The following LHFPL7 variants were observed in gnomAD, a reference collection of about 807,000 sequenced individuals.
The protein encoded by LHFPL7 is LHFPL tetraspan subfamily member 7 protein.
At chr22:24,941,945 G>A in the LHFPL7 span, among the ~76,000 whole-genome samples, 10 of 151,746 alleles carry the variant, frequency 6.6e-5, no homozygotes, top group African/African-American at 2.2e-4. Context: ...GATTACACGC[G>A]TGAGCCACTG....
the LHFPL7 span, among the ~76,000 whole-genome samples, chr22:24,943,368 C>G: frequency 3.3e-5 from 5 of 152,160 alleles, no homozygotes; most frequent in Non-Finnish European, 2.9e-5. Flanking sequence ...AACCCGAAAC[C>G]ACATCCGGCC....
chr22:24,941,598 ATTTGT>A, the LHFPL7 span, among the ~76,000 whole-genome samples: 1 of 93,602 alleles, frequency 1.1e-5, no homozygotes, highest in Non-Finnish European at 2.0e-5. Context: ...TTTTGCGTAT[ATTTGT>A]TTTTTTTTTT....
chr22:24,937,846 G>C, the LHFPL7 span, among the ~76,000 whole-genome samples: 2 of 152,184 alleles, frequency 1.3e-5, no homozygotes, highest in Non-Finnish European at 2.9e-5. Flanking sequence ...ATCCCCAACT[G>C]TGTATGGTGG....
the LHFPL7 span, among the ~76,000 whole-genome samples, chr22:24,943,868 A>G: frequency 4.1e-3 from 618 of 152,306 alleles, 3 homozygotes; most frequent in African/African-American, 0.014. Flanking sequence ...GTTTAGAGGT[A>G]GCTGCTAGGG....
the LHFPL7 span, among the ~76,000 whole-genome samples, chr22:24,938,783 G>T: frequency 6.6e-6 from 1 of 152,132 alleles, no homozygotes; most frequent in African/African-American, 2.4e-5. Flanking sequence ...GTTGATTTTG[G>T]CAATGTGCAT....
At chr22:24,941,979 T>TTTTATTTA in the LHFPL7 span, among the ~76,000 whole-genome samples, 2,140 of 145,956 alleles carry the variant, frequency 0.015, 57 homozygotes, top group African/African-American at 0.048. Context: ...TTCAAATGTA[T>TTTTATTTA]TTTATTTATT....
At chr22:24,935,660 A>G in the LHFPL7 span, 22 of 1,551,526 alleles carry the variant, frequency 1.4e-5, no homozygotes, top group East Asian at 5.0e-4. Flanking sequence ...TTTCCATCCC[A>G]CGACTCATCC....
chr22:24,944,108 G>A, the LHFPL7 span, among the ~76,000 whole-genome samples: 1 of 152,100 alleles, frequency 6.6e-6, no homozygotes, highest in Admixed American at 6.6e-5. Flanking sequence ...ATGTCCATGT[G>A]CTCACTCATT....
chr22:24,935,705 C>CA, the LHFPL7 span: 1 of 1,373,424 alleles, frequency 7.3e-7, no homozygotes, highest in Admixed American at 2.5e-5. Flanking sequence ...TCCACCCACT[C>CA]ATTCATTCAT....
At chr22:24,936,605 G>A in the LHFPL7 span, among the ~76,000 whole-genome samples, 2 of 152,132 alleles carry the variant, frequency 1.3e-5, no homozygotes, top group Non-Finnish European at 2.9e-5. Flanking sequence ...AAGATCCCCT[G>A]GCCTCCCTTG....
the LHFPL7 span, among the ~76,000 whole-genome samples, chr22:24,945,544 A>G: frequency 3.9e-5 from 6 of 152,160 alleles, no homozygotes; most frequent in Non-Finnish European, 5.9e-5. Context: ...AGGGCTTTTG[A>G]CCTGGGACGA....
chr22:24,938,491 T>A, the LHFPL7 span, among the ~76,000 whole-genome samples: 1 of 152,120 alleles, frequency 6.6e-6, no homozygotes, highest in South Asian at 2.1e-4. Flanking sequence ...CCATTTTACA[T>A]AAAAAGAAAC....
the LHFPL7 span, among the ~76,000 whole-genome samples, chr22:24,941,404 C>T: frequency 5.9e-5 from 9 of 151,898 alleles, no homozygotes; most frequent in African/African-American, 1.4e-4. Flanking sequence ...TTGCATTCTG[C>T]GTCTTACTTT....
At chr22:24,935,852 A>G in the LHFPL7 span, among the ~76,000 whole-genome samples, 1 of 151,836 alleles carries the variant, frequency 6.6e-6, no homozygotes, top group African/African-American at 2.4e-5. Flanking sequence ...CTACATATCC[A>G]TTCACACATC....
At chr22:24,944,512 C>A in the LHFPL7 span, among the ~76,000 whole-genome samples, 25 of 152,190 alleles carry the variant, frequency 1.6e-4, no homozygotes, top group Non-Finnish European at 1.2e-4. Context: ...TTTGAAGATG[C>A]AAAGAGGCCC....
At chr22:24,938,043 C>T in the LHFPL7 span, 11 of 1,491,176 alleles carry the variant, frequency 7.4e-6, no homozygotes, top group South Asian at 1.2e-4. Context: ...TGAGGTCTGA[C>T]CCGAGAGGCC....
chr22:24,940,636 C>CCTTCCTT, the LHFPL7 span, among the ~76,000 whole-genome samples: 1 of 61,080 alleles, frequency 1.6e-5, no homozygotes, highest in African/African-American at 6.1e-5. Flanking sequence ...CATATGCCCG[C>CCTTCCTT]CCTTCCTTCC....
the LHFPL7 span, among the ~76,000 whole-genome samples, chr22:24,940,578 A>G: frequency 7.9e-5 from 12 of 151,028 alleles, no homozygotes; most frequent in African/African-American, 2.9e-4. Flanking sequence ...CCTGGGCGAC[A>G]GAGCGAGACT....
chr22:24,944,000 C>A, the LHFPL7 span, among the ~76,000 whole-genome samples: 8 of 152,310 alleles, frequency 5.3e-5, no homozygotes, highest in Non-Finnish European at 1.2e-4. Flanking sequence ...GATCTCTTAA[C>A]CCCCTACCCC....
Sources: gnomAD v4.1 joint callset for allele counts (sites outside exome capture counted in the v4.1 genomes callset) on GRCh38, gnomAD v4.1.1 for gene constraint, MANE v1.5 for transcripts, NCBI Gene and HGNC (gene_info 2026-07-23, HGNC 2026-07-21) for gene names.